The following ADK variants were observed in gnomAD, a reference collection of about 807,000 sequenced individuals.
ADK encodes adenosine kinase.
A neutral mutation model predicts 44.7 loss-of-function variants in ADK; 24 were observed. The ratio of observed to expected loss-of-function variants is 0.54; its 90% CI spans 0.39 to 0.76. The LOEUF (loss-of-function observed/expected upper bound fraction) is 0.76. Among genes scored for constraint, ADK ranks in the 30% least tolerant of loss-of-function variants. The probability of loss-of-function intolerance (pLI) is 0.00; values close to 1 mark genes in which losing one functional copy is unlikely to be tolerated. For synonymous variants in ADK, 128 were observed against 142.6 expected, an observed-to-expected ratio of 0.90 and a Z score of 0.73; for missense variants, 321 against 425.1, an observed-to-expected ratio of 0.76 and a Z score of 2.15.
Position 74,436,831 on chromosome 10 carries a change from A to G in ADK, c.555+38252A>G, listed in dbSNP as rs116320576. Among the ~76,000 whole-genome samples the G allele has an allele frequency of 9.0e-3, 1,364 of 152,298 alleles. 21 individuals carry two copies. Among genetic ancestry groups the G allele is most frequent in the African/African-American group, 0.031 (1,296 of 41,564 alleles). ...AACATAGGAGACAATCTCAGAATCT[A>G]GGGGTAATCAAATTTCTACTGAAAA... is the stretch of plus-strand genomic sequence containing the variant. On this transcript the variant is annotated intron_variant, in intron 6 of 10. Transcript: ENST00000539909.
chr10:74,579,855 T>C (rs573787176), intron 7 of ADK, among the ~76,000 whole-genome samples: 1 of 152,326 alleles, frequency 6.6e-6, no homozygotes, highest in Admixed American at 6.5e-5. Flanking sequence ...GAACATTTCC[T>C]GAACTCAGAT....
At chr10:74,500,215 A>G (rs1847843072) in intron 6 of ADK, among the ~76,000 whole-genome samples, 1 of 152,226 alleles carries the variant, frequency 6.6e-6, no homozygotes, top group Non-Finnish European at 1.5e-5. Flanking sequence ...CTTGGAACAA[A>G]GAAACACTAC....
chr10:74,632,188 T>C (rs1359106694), intron 9 of ADK, among the ~76,000 whole-genome samples: 1 of 152,204 alleles, frequency 6.6e-6, no homozygotes, highest in African/African-American at 2.4e-5. Flanking sequence ...GGAAATTGCA[T>C]ATAAATGGAC....
chr10:74,500,673 T>C (rs1164576243), intron 6 of ADK, among the ~76,000 whole-genome samples: 1 of 152,356 alleles, frequency 6.6e-6, no homozygotes, highest in East Asian at 1.9e-4. Flanking sequence ...CTGAGTAATA[T>C]ATGGTTTTTG....
intron 1 of ADK, among the ~76,000 whole-genome samples, chr10:74,185,952 A>G (rs1014449084): frequency 1.3e-5 from 2 of 149,086 alleles, no homozygotes; most frequent in Non-Finnish European, 3.0e-5. Flanking sequence ...GGGTCAAGGG[A>G]TTCTTCTGCC....
At chr10:74,326,065 C>A (rs534222546) in intron 4 of ADK, among the ~76,000 whole-genome samples, 128 of 152,214 alleles carry the variant, frequency 8.4e-4, no homozygotes, top group African/African-American at 2.8e-3. Context: ...GAACTCCTGA[C>A]TTCAAGTTAT....
chr10:74,573,268 C>A (rs1310312054), intron 7 of ADK, among the ~76,000 whole-genome samples: 1 of 152,178 alleles, frequency 6.6e-6, no homozygotes, highest in Admixed American at 6.5e-5. Flanking sequence ...TAGAGGTCCA[C>A]TCCAGACCCT....
At chr10:74,374,155 CAA>C (rs1842753166) in intron 4 of ADK, among the ~76,000 whole-genome samples, 1 of 152,164 alleles carries the variant, frequency 6.6e-6, no homozygotes, top group African/African-American at 2.4e-5. Flanking sequence ...AGTGATGACT[CAA>C]GAGTGAACTG....
Position 74,176,947 on chromosome 10 carries a change from A to G in ADK, c.66-23817A>G. ...TGGGCGTTAGCCTCCCGAGCGCGTG[A>G]GCACTGTCGCTCCTTCTCGCGGGTG... is the stretch of plus-strand genomic sequence containing the variant. On this transcript the variant is annotated intron_variant, in intron 1 of 10. Transcript: ENST00000539909. 24 of 1,600,228 alleles carry G rather than the reference A, an allele frequency of 1.5e-5. No homozygotes were observed. The South Asian group carries it at 2.7e-4, about 18-fold the overall frequency.
intron 6 of ADK, among the ~76,000 whole-genome samples, chr10:74,516,277 A>T (rs1253494005): frequency 1.3e-5 from 2 of 152,020 alleles, no homozygotes; most frequent in Non-Finnish European, 1.5e-5. Context: ...GGCAGATCTG[A>T]TCTAGGTGGG....
chr10:74,497,953 G>A (rs941766846), intron 6 of ADK, among the ~76,000 whole-genome samples: 16 of 151,592 alleles, frequency 1.1e-4, no homozygotes, highest in Non-Finnish European at 1.6e-4. Context: ...GCAATGGCCC[G>A]ATCTCGGCTC....
At chr10:74,478,514 C>T (rs1005335774) in intron 6 of ADK, among the ~76,000 whole-genome samples, 5 of 152,228 alleles carry the variant, frequency 3.3e-5, no homozygotes, top group Non-Finnish European at 5.9e-5. Flanking sequence ...TGAGTGACCA[C>T]ACCCAGCAAT....
At chr10:74,374,805 C>T (rs373464509) in intron 4 of ADK, among the ~76,000 whole-genome samples, 26 of 152,158 alleles carry the variant, frequency 1.7e-4, no homozygotes, top group Non-Finnish European at 3.7e-4. Context: ...TTCTTCTTTT[C>T]GCCTGGTAAA....
chr10:74,452,944 A>G (rs1845824601), intron 6 of ADK, among the ~76,000 whole-genome samples: 1 of 152,092 alleles, frequency 6.6e-6, no homozygotes. Flanking sequence ...AACAACTTAT[A>G]TAAGCTCCAC....
In ADK at chr10:74,237,647, A is replaced by C. The variant is rs537386067; in HGVS notation, c.194+13056A>C. ...TATGGCAGCTATAGTCTTGCAAAAT[A>C]TATTTCTTAAATAATAAGACTTGAA... On this transcript the variant is annotated intron_variant, in intron 3 of 10. Coordinates refer to ENST00000539909, the MANE Select transcript of ADK (RefSeq NM_006721.4). Among the ~76,000 whole-genome samples, 6 of 152,316 alleles carry C rather than the reference A, an allele frequency of 3.9e-5. No individual in the cohort carries two copies. In the South Asian group the frequency reaches 8.3e-4, roughly 21 times the overall value.
At chr10:74,354,081 A>C (rs1180423392) in intron 4 of ADK, among the ~76,000 whole-genome samples, 2 of 152,242 alleles carry the variant, frequency 1.3e-5, no homozygotes, top group Non-Finnish European at 2.9e-5. Context: ...TTGGTATACG[A>C]ATTATAACAC....
At position 74,289,346 on chromosome 10, in the gene ADK, T is replaced by C. The variant is rs143861792; in HGVS notation, c.195-25321T>C. Among the ~76,000 whole-genome samples the C allele has an allele frequency of 5.2e-3, 787 of 152,292 alleles. 7 individuals carry two copies. Among genetic ancestry groups the C allele is most frequent in the Middle Eastern group, 0.027 (8 of 294 alleles). On this transcript the variant is annotated intron_variant, in intron 3 of 10. Coordinates refer to ENST00000539909, the MANE Select transcript of ADK (RefSeq NM_006721.4). The stretch of plus-strand genomic sequence containing the variant: ...ACAGGCATGAGCCACCGTACCTGGC[T>C]GAAGGAACTACATTTTTGATATGGT...
chr10:74,221,635 A>G lies in ADK; in HGVS notation c.141-2903A>G, dbSNP rs570792452. On this transcript the variant is annotated intron_variant, in intron 2 of 10. Coordinates refer to ENST00000539909, the MANE Select transcript of ADK (RefSeq NM_006721.4). Reference sequence around the variant, plus strand: ...ACTTCAAACTATACTACAAGGCTACAGTAACCAAAACAGCATGGTACTGGT... The same window carrying G: ...ACTTCAAACTATACTACAAGGCTACGGTAACCAAAACAGCATGGTACTGGT... 3.5e-3 allele frequency among the ~76,000 whole-genome samples: 520 copies of G among 147,848 alleles called. 3 individuals are homozygous for G. Among genetic ancestry groups the G allele is most frequent in the Non-Finnish European group, 6.2e-3 (417 of 66,992 alleles).
chr10:74,426,715 A>C (rs1206720085), intron 6 of ADK, among the ~76,000 whole-genome samples: 1 of 152,218 alleles, frequency 6.6e-6, no homozygotes, highest in Non-Finnish European at 1.5e-5. Context: ...ATATTCAAAC[A>C]GTTAAATAAA....
Sources: allele counts gnomAD v4.1 joint callset (sites outside exome capture counted in the v4.1 genomes callset), GRCh38; gene constraint gnomAD v4.1.1; transcripts MANE v1.5; gene names NCBI Gene and HGNC (gene_info 2026-07-23, HGNC 2026-07-21).